DHRS9: variants seen among roughly 807,000 people sequenced by gnomAD.
DHRS9 encodes the protein dehydrogenase/reductase 9.
In DHRS9, 18 loss-of-function variants were observed where a neutral mutation model predicts 26.6. The ratio of observed to expected loss-of-function variants is 0.68; its 90% confidence interval spans 0.47 to 1.00. The LOEUF is 1.00. DHRS9 is among the 50% of genes least tolerant of loss of function. The pLI is 0.00. For missense variants in DHRS9, 425 were observed against 378.7 expected (o/e 1.12, Z -1.01); for synonymous variants, 134 against 141.1 (o/e 0.95, Z 0.36).
At chr2:169,092,878 G>A (rs140357546) in intron 4 of DHRS9, among the ~76,000 whole-genome samples, 30 of 152,168 alleles carry the variant, frequency 2.0e-4, no homozygotes, top group African/African-American at 5.5e-4. Flanking sequence ...TCTTATTATC[G>A]TCTTCATTTT....
Position 169,095,994 on chromosome 2 carries a change from C to T in DHRS9, c.*227C>T. 1 of 565,198 alleles carries T rather than the reference C, an allele frequency of 1.8e-6. No homozygotes were observed. Among genetic ancestry groups the T allele is most frequent in the African/African-American group, 1.9e-5 (1 of 53,284 alleles). The allele number at this position is 565,198 out of a possible 1,614,324, so 35.0% of individuals were successfully genotyped here. A position where few individuals can be genotyped will look rare whatever the true frequency, so the allele number is the denominator to read the frequency against. On this transcript the variant is annotated 3_prime_UTR_variant, in exon 5 of 5. Transcript: ENST00000674881. ...TGGTACATCACATAGGCAAGTCCTGCCCTGTATTTAGGCTTTGCCTGCTTG... is the reference window on the plus strand; with the variant it reads ...TGGTACATCACATAGGCAAGTCCTGTCCTGTATTTAGGCTTTGCCTGCTTG...
rs1684257149 is a variant in DHRS9, at chr2:169,083,515, GTCGCC to G, written c.502_506del (p.Arg168CysfsTer19). 1 of 1,614,066 alleles carries G rather than the reference GTCGCC, an allele frequency of 6.2e-7. No individual in the cohort carries two copies. The highest frequency in any genetic ancestry group is 8.5e-7 in the Non-Finnish European group (1 of 1,179,962). On this transcript the variant is annotated frameshift_variant, in exon 3 of 5. Transcript: ENST00000674881. LOFTEE classifies it high-confidence loss of function. The stretch of plus-strand genomic sequence containing the variant: ...GTTATTAATGTCTCCAGTGTTGGAG[GTCGCC>G]TTGCAATCGTTGGAGGGGGCTATAC...
intron 1 of DHRS9, 57 bp from the exon 2 acceptor site, chr2:169,081,466 G>T (rs1328423202): frequency 4.7e-6 from 7 of 1,486,006 alleles, no homozygotes; most frequent in Non-Finnish European, 5.3e-6. Flanking sequence ...ATCAGTCCTG[G>T]GTTATAATGC....
intron 4 of DHRS9, among the ~76,000 whole-genome samples, chr2:169,093,816 C>A (rs192414524): frequency 1.3e-4 from 20 of 152,280 alleles, no homozygotes; most frequent in African/African-American, 4.8e-4. Flanking sequence ...ATTTCCCAAG[C>A]TGGGATAGTA....
At chr2:169,080,553 C>T (rs942917224) in intron 1 of DHRS9, among the ~76,000 whole-genome samples, 1 of 152,190 alleles carries the variant, frequency 6.6e-6, no homozygotes, top group East Asian at 1.9e-4. Flanking sequence ...ACCAGTACCC[C>T]ATGGTAAGAG....
chr2:169,070,690 C>A (rs79075820), intron 1 of DHRS9: 3 of 984,164 alleles, frequency 3.0e-6, no homozygotes, highest in Non-Finnish European at 3.6e-6. Context: ...ATCATTAACT[C>A]ATATATTTCA....
At chr2:169,071,256 T>C (rs1209327271) in intron 1 of DHRS9, among the ~76,000 whole-genome samples, 2 of 152,206 alleles carry the variant, frequency 1.3e-5, no homozygotes, top group Non-Finnish European at 2.9e-5. Context: ...CAGATAGCAA[T>C]TGTTATGCAG....
upstream of DHRS9, chr2:169,069,326 T>A (rs900195975): frequency 1.4e-6 from 1 of 700,312 alleles, no homozygotes; most frequent in Admixed American, 6.3e-5. Flanking sequence ...GTTATATTAT[T>A]TCTGCTGCTG....
At chr2:169,090,960 G>A (rs1047483276) in intron 3 of DHRS9, among the ~76,000 whole-genome samples, 5 of 152,192 alleles carry the variant, frequency 3.3e-5, no homozygotes, top group African/African-American at 1.2e-4. Flanking sequence ...TGTGTGGCCA[G>A]ATGATTTTGC....
intron 1 of DHRS9, among the ~76,000 whole-genome samples, chr2:169,072,041 A>G (rs1370601312): frequency 6.6e-6 from 1 of 151,922 alleles, no homozygotes; most frequent in Non-Finnish European, 1.5e-5. Context: ...AACAAAACAA[A>G]AACCAGTTTT....
Position 169,081,609 on chromosome 2 carries a change from AT to A in DHRS9, c.29del (p.Ile10ThrfsTer13). On this transcript the variant is annotated frameshift_variant, in exon 2 of 5. Transcript: ENST00000674881. LOFTEE classifies it high-confidence loss of function. MLFWVLGLL[I>X]LCGFLWTRKG... is the part of the protein sequence containing the mutation. ...GCTCTTTTGGGTGCTAGGCCTCCTAATCCTCTGTGGTTTTCTGTGGACTCGT... is the reference window on the plus strand; with the variant it reads ...GCTCTTTTGGGTGCTAGGCCTCCTAACCTCTGTGGTTTTCTGTGGACTCGT... 6.2e-7 allele frequency: 1 copy of A among 1,614,144 alleles called. No homozygotes were observed. Among genetic ancestry groups the A allele is most frequent in the Non-Finnish European group, 8.5e-7 (1 of 1,180,016 alleles).
rs911816657 is a variant in DHRS9 at position 169,095,524 on chromosome 2, G to A, written c.737-20G>A. 18 of 1,591,612 alleles carry A rather than the reference G, an allele frequency of 1.1e-5. No homozygotes were observed. Among genetic ancestry groups the A allele is most frequent in the Non-Finnish European group, 1.6e-5 (18 of 1,159,860 alleles). On this transcript the variant is annotated intron_variant, in intron 4 of 4. Coordinates refer to ENST00000674881, the MANE Select transcript of DHRS9 (RefSeq NM_001376924.1). ...TTTCCCCTTCTACCAAAGAGTAAAT[G>A]TACTTTTGTCTCTTTTTAGGTCTAG...
At chr2:169,076,608 C>A (rs756494320) in intron 1 of DHRS9, among the ~76,000 whole-genome samples, 86 of 152,184 alleles carry the variant, frequency 5.7e-4, no homozygotes, top group Non-Finnish European at 1.1e-3. Flanking sequence ...TTCATTCCAG[C>A]CTCTCCTTTT....
At chr2:169,082,773 C>T (rs891955382) in intron 2 of DHRS9, among the ~76,000 whole-genome samples, 1 of 151,348 alleles carries the variant, frequency 6.6e-6, no homozygotes, top group South Asian at 2.1e-4. Flanking sequence ...GCCTTACTAT[C>T]TAGCAAGGCA....
chr2:169,070,536 A>G (rs961785462), intron 1 of DHRS9: 48 of 985,232 alleles, frequency 4.9e-5, no homozygotes, highest in Non-Finnish European at 5.5e-5. Flanking sequence ...CTCGGCATAT[A>G]TTAACTGCTC....
Position 169,096,019 on chromosome 2 carries a change from G to T in DHRS9, c.*252G>T. On this transcript the variant is annotated 3_prime_UTR_variant, in exon 5 of 5. Transcript: ENST00000674881. ...CCCTGTATTTAGGCTTTGCCTGCTT[G>T]GTGTGATGTAAGGGAAATTGAAAGA... 1 of 513,186 alleles carries T rather than the reference G, an allele frequency of 1.9e-6. No homozygotes were observed. The highest frequency in any genetic ancestry group is 3.3e-5 in the East Asian group (1 of 30,616). 31.8% of individuals were successfully genotyped at this position (513,186 alleles called of 1,614,324 possible). A position where few individuals can be genotyped will look rare whatever the true frequency, so the allele number is the denominator to read the frequency against.
intron 4 of DHRS9, among the ~76,000 whole-genome samples, chr2:169,092,444 A>T (rs1684559920): frequency 6.6e-6 from 1 of 152,264 alleles, no homozygotes; most frequent in Non-Finnish European, 1.5e-5. Flanking sequence ...AGTTGACAAC[A>T]AGAAGTAACC....
At chr2:169,069,078 A>G (rs1683726973), upstream of DHRS9, among the ~76,000 whole-genome samples, 1 of 152,178 alleles carries the variant, frequency 6.6e-6, no homozygotes, top group Admixed American at 6.5e-5. Flanking sequence ...ACCCATAAGT[A>G]ATTCCAAAAC....
rs769009957 is a variant in DHRS9, at chr2:169,095,533, T to TCTAGA, written c.737-9_737-8insAGACT. 112 of 1,608,016 alleles carry TCTAGA rather than the reference T, an allele frequency of 7.0e-5. No homozygotes were observed. The East Asian group carries it at 2.5e-3, about 35-fold the overall frequency. On this transcript the variant is annotated splice_polypyrimidine_tract_variant and intron_variant, in intron 4 of 4. Coordinates refer to ENST00000674881, the MANE Select transcript of DHRS9 (RefSeq NM_001376924.1). ...CTACCAAAGAGTAAATGTACTTTTG[T>TCTAGA]CTCTTTTTAGGTCTAGACAAACTGA... is the stretch of plus-strand genomic sequence containing the variant.
Sources: allele counts gnomAD v4.1 joint callset (sites outside exome capture counted in the v4.1 genomes callset), GRCh38; gene constraint gnomAD v4.1.1; transcripts MANE v1.5; gene names NCBI Gene and HGNC (gene_info 2026-07-23, HGNC 2026-07-21).